ETV1: variants seen among roughly 807,000 people sequenced by gnomAD.
The protein encoded by ETV1 is ETS translocation variant 1.
A neutral mutation model predicts 62.3 loss-of-function variants in ETV1; 27 were observed. The observed-to-expected ratio is 0.43, with a 90% CI of 0.32 to 0.60. The LOEUF (loss-of-function observed/expected upper bound fraction) is 0.60. Among genes scored for constraint, ETV1 ranks in the 20% least tolerant of loss-of-function variants. The pLI, the probability that ETV1 is intolerant of heterozygous loss-of-function variation, is 0.06. For missense variants in ETV1, 605 were observed against 605.8 expected (o/e 1.00, Z 0.01); for synonymous variants, 222 against 199.6 (o/e 1.11, Z -0.94).
At position 13,892,105 on chromosome 7, in the gene ETV1, T is replaced by G. The variant is rs987402647; in HGVS notation, c.*3761A>C. 3.0e-5 allele frequency: 7 copies of G among 232,248 alleles called. No individual in the cohort carries two copies. The highest frequency in any genetic ancestry group is 5.1e-5 in the Non-Finnish European group (6 of 117,576). The allele number at this position is 232,248 out of a possible 1,614,324, so 14.4% of individuals were successfully genotyped here. A position where few individuals can be genotyped will look rare whatever the true frequency, so the allele number is the denominator to read the frequency against. On this transcript the variant is annotated 3_prime_UTR_variant, in exon 14 of 14. Coordinates refer to ENST00000430479, the MANE Select transcript of ETV1 (RefSeq NM_004956.5). ...ATTGTTCTTTTGAGTAATAGACATA[T>G]TTTACACATTGTTCTTACCTAATAA...
intron 3 of ETV1, chr7:13,988,544 T>TCCA: frequency 2.3e-6 from 1 of 437,784 alleles, no homozygotes; most frequent in Non-Finnish European, 3.7e-6. Flanking sequence ...GGACAGCCCC[T>TCCA]CCTCCCCACC....
chr7:13,924,915 GAAC>G lies in ETV1; in HGVS notation c.802+6584_802+6586del, dbSNP rs764645714. On this transcript the variant is annotated intron_variant, in intron 9 of 13. Coordinates refer to ENST00000430479, the MANE Select transcript of ETV1 (RefSeq NM_004956.5). The stretch of plus-strand genomic sequence containing the variant: ...TCAACTTCCCAGTTTAAAATAGCAC[GAAC>G]AACATTTGCTGTCAAAGAGTTACGT... Among the ~76,000 whole-genome samples, 226 of 150,592 alleles carry G rather than the reference GAAC, an allele frequency of 1.5e-3. 3 individuals carry two copies. The Middle Eastern group carries it at 0.017, about 11-fold the overall frequency.
intron 6 of ETV1, among the ~76,000 whole-genome samples, chr7:13,971,157 G>A (rs2128493498): frequency 6.6e-6 from 1 of 152,194 alleles, no homozygotes; most frequent in South Asian, 2.1e-4. Flanking sequence ...TTTTAGTAGA[G>A]ACGGGGTTTC....
At chr7:13,925,678 G>A (rs1562624930) in intron 9 of ETV1, among the ~76,000 whole-genome samples, 1 of 151,084 alleles carries the variant, frequency 6.6e-6, no homozygotes. Flanking sequence ...CCATTCTCCT[G>A]CCTCAGCCTC....
Position 13,977,499 on chromosome 7 carries a change from A to G in ETV1, c.182-19T>C. 6.9e-6 allele frequency: 10 copies of G among 1,444,108 alleles called. No homozygotes were observed. Among genetic ancestry groups the G allele is most frequent in the Non-Finnish European group, 9.2e-6 (10 of 1,082,426 alleles). The allele number at this position is 1,444,108 out of a possible 1,614,324, so 89.5% of individuals were successfully genotyped here. ...ACCTGAGCTGAAGAAGAAAAAGAAA[A>G]TTAAAAAAAATTAAGAGAGAAACTG... is the stretch of plus-strand genomic sequence containing the variant. On this transcript the variant is annotated intron_variant, in intron 5 of 13. Coordinates refer to ENST00000430479, the MANE Select transcript of ETV1 (RefSeq NM_004956.5).
At chr7:13,897,284 G>C (rs1192673352) in intron 13 of ETV1, among the ~76,000 whole-genome samples, 2 of 152,094 alleles carry the variant, frequency 1.3e-5, no homozygotes, top group African/African-American at 4.8e-5. Flanking sequence ...TATCAACAAG[G>C]CATTTGCTAG....
intron 7 of ETV1, among the ~76,000 whole-genome samples, chr7:13,936,789 C>T (rs1257497913): frequency 6.6e-6 from 1 of 152,172 alleles, no homozygotes; most frequent in Non-Finnish European, 1.5e-5. Flanking sequence ...GCCCCTGATC[C>T]TAGCACTTTG....
At position 13,964,386 on chromosome 7, in the gene ETV1, A is replaced by T. The variant is rs573264548; in HGVS notation, c.235+13041T>A. ...GCAGCTGGAAATAATTCTAAGAAAA[A>T]CATCTTATGGTTTAGGACTAAATTC... On this transcript the variant is annotated intron_variant, in intron 6 of 13. Coordinates refer to ENST00000430479, the MANE Select transcript of ETV1 (RefSeq NM_004956.5). Among the ~76,000 whole-genome samples, 5 of 152,220 alleles carry T rather than the reference A, an allele frequency of 3.3e-5. No homozygotes were observed. The South Asian group carries it at 1.0e-3, about 32-fold the overall frequency.
chr7:13,904,960 GATA>G (rs1445018931), intron 12 of ETV1, among the ~76,000 whole-genome samples: 1 of 147,534 alleles, frequency 6.8e-6, no homozygotes, highest in Non-Finnish European at 1.5e-5. Context: ...CGTCATCCTA[GATA>G]ATGAGAATTT....
intron 13 of ETV1, 170 bp downstream of exon 13, chr7:13,900,568 T>C (rs1405715535): frequency 2.0e-5 from 11 of 557,556 alleles, no homozygotes; most frequent in Middle Eastern, 4.6e-4. Context: ...CTACAATGTC[T>C]AGGCATTTAT....
chr7:13,958,394 C>T (rs1562680083), intron 6 of ETV1, among the ~76,000 whole-genome samples: 1 of 152,130 alleles, frequency 6.6e-6, no homozygotes, highest in Non-Finnish European at 1.5e-5. Flanking sequence ...TATATTCAAA[C>T]ACTGCTACCA....
intron 6 of ETV1, among the ~76,000 whole-genome samples, chr7:13,977,118 A>C (rs941592246): frequency 1.3e-5 from 2 of 152,202 alleles, no homozygotes; most frequent in Admixed American, 1.3e-4. Flanking sequence ...ATGTTCATGG[A>C]TCACATGCTA....
chr7:13,944,517 C>T (rs1301100359), intron 6 of ETV1, among the ~76,000 whole-genome samples: 1 of 151,896 alleles, frequency 6.6e-6, no homozygotes, highest in African/African-American at 2.4e-5. Flanking sequence ...TACCATCACA[C>T]TGGGGAGTAA....
At chr7:13,914,946 T>C (rs1783989786) in intron 9 of ETV1, among the ~76,000 whole-genome samples, 1 of 152,182 alleles carries the variant, frequency 6.6e-6, no homozygotes, top group Admixed American at 6.5e-5. Flanking sequence ...TCAAATAGTG[T>C]GTAAATCTGG....
In ETV1 at chr7:13,989,081, GT is replaced by G. The variant is rs749264361; in HGVS notation, c.-30del. On this transcript the variant is annotated 5_prime_UTR_variant, in exon 3 of 14. Transcript: ENST00000430479. ...GCTGCTCTTCGCAAATCTCAGCTCAGTATTTTATATTTTGAGCATTTAGCTG... is the reference window on the plus strand; with the variant it reads ...GCTGCTCTTCGCAAATCTCAGCTCAGATTTTATATTTTGAGCATTTAGCTG... 6.5e-7 allele frequency: 1 copy of G among 1,536,102 alleles called. No individual in the cohort carries two copies. The highest frequency in any genetic ancestry group is 8.7e-7 in the Non-Finnish European group (1 of 1,144,734).
intron 4 of ETV1, among the ~76,000 whole-genome samples, chr7:13,987,437 C>T (rs1562725088): frequency 2.0e-5 from 3 of 151,986 alleles, no homozygotes; most frequent in African/African-American, 7.3e-5. Context: ...TATGAATGTC[C>T]TCATATGGCT....
At chr7:13,986,204 A>G in intron 5 of ETV1, 5 of 1,573,974 alleles carry the variant, frequency 3.2e-6, no homozygotes, top group Non-Finnish European at 4.3e-6. Context: ...AGAGAAACTA[A>G]TTTCTGCCAT....
intron 10 of ETV1, among the ~76,000 whole-genome samples, chr7:13,911,037 A>T (rs572001685): frequency 9.8e-5 from 15 of 152,358 alleles, no homozygotes; most frequent in African/African-American, 3.6e-4. Context: ...AGTTGTTTCT[A>T]CGCATATGAC....
chr7:13,919,919 TC>T (rs377068924), intron 9 of ETV1, among the ~76,000 whole-genome samples: 22 of 151,888 alleles, frequency 1.4e-4, no homozygotes, highest in African/African-American at 5.3e-4. Context: ...AGAAGAGAGA[TC>T]CAAACATGTA....
Sources: gnomAD v4.1 joint callset for allele counts (sites outside exome capture counted in the v4.1 genomes callset) on GRCh38, gnomAD v4.1.1 for gene constraint, MANE v1.5 for transcripts, NCBI Gene and HGNC (gene_info 2026-07-23, HGNC 2026-07-21) for gene names.